Variants in PHF21B observed in about 807,000 individuals in gnomAD.
The protein encoded by PHF21B is PHD finger protein 21B, also known as PHD finger protein 4.
Under a neutral mutation model 62.2 loss-of-function variants are expected in PHF21B, and 22 were observed. The observed-to-expected ratio is 0.35, with a 90% CI of 0.25 to 0.51. The LOEUF is 0.51. Among genes scored for constraint, PHF21B ranks in the 20% least tolerant of loss-of-function variants. The pLI is 0.97. For missense variants in PHF21B, 701 were observed against 707.9 expected (o/e 0.99, Z 0.11); for synonymous variants, 341 against 314.7 (o/e 1.08, Z -0.88).
At chr22:44,983,008 C>A (rs1050091267) in intron 2 of PHF21B, among the ~76,000 whole-genome samples, 1 of 152,118 alleles carries the variant, frequency 6.6e-6, no homozygotes, top group Admixed American at 6.5e-5. Context: ...CTTTGGGAGA[C>A]CGAGGTGGGA....
At chr22:44,913,268 C>G (rs1044681040) in intron 5 of PHF21B, among the ~76,000 whole-genome samples, 1 of 152,176 alleles carries the variant, frequency 6.6e-6, no homozygotes, top group African/African-American at 2.4e-5. Context: ...CTACAGTGCC[C>G]AGGGTCCTGC....
intron 2 of PHF21B, among the ~76,000 whole-genome samples, chr22:44,954,037 C>G (rs557088326): frequency 6.6e-6 from 1 of 152,068 alleles, no homozygotes; most frequent in East Asian, 1.9e-4. Flanking sequence ...TCAGAGCAGA[C>G]CCCCAGTGGG....
At chr22:44,977,286 G>A (rs2072755137) in intron 2 of PHF21B, among the ~76,000 whole-genome samples, 1 of 151,902 alleles carries the variant, frequency 6.6e-6, no homozygotes, top group Non-Finnish European at 1.5e-5. Context: ...ATCAGGCCAG[G>A]CACGGTGGTG....
At chr22:44,987,910 G>T (rs889900898) in intron 2 of PHF21B, among the ~76,000 whole-genome samples, 1 of 152,056 alleles carries the variant, frequency 6.6e-6, no homozygotes, top group Non-Finnish European at 1.5e-5. Flanking sequence ...AGGAACTGAC[G>T]GATCCCAAAA....
chr22:44,946,658 G>A (rs1166228336), intron 2 of PHF21B, among the ~76,000 whole-genome samples: 4 of 152,084 alleles, frequency 2.6e-5, no homozygotes, highest in South Asian at 2.1e-4. Flanking sequence ...TGGACGGTGC[G>A]TGGGTAGAAT....
Position 45,008,550 on chromosome 22 carries a change from T to G in PHF21B, c.115A>C (p.Lys39Gln), listed in dbSNP as rs200776950. 1.3e-6 allele frequency: 2 copies of G among 1,580,794 alleles called. No individual in the cohort carries two copies. Among genetic ancestry groups the G allele is most frequent in the African/African-American group, 1.3e-5 (1 of 74,522 alleles). ...RQPRIAALSD[K>Q]QALGTITAVP... ...GCCGCGATCCCATCGCTTACTTGTT[T>G]GTCGCTGAGCGCGGCGATCCGCGGC... Residue 39 changes from lysine (K) to glutamine (Q), a missense_variant, in exon 2 of 13, where the codon AAA becomes CAA. Physicochemically the swap from Lys to Gln is moderately conservative, Grantham distance 53. Transcript: ENST00000313237.
At chr22:44,897,790 T>C (rs2071086366) in intron 5 of PHF21B, among the ~76,000 whole-genome samples, 1 of 152,074 alleles carries the variant, frequency 6.6e-6, no homozygotes, top group Non-Finnish European at 1.5e-5. Context: ...CTAAAACCCA[T>C]ACTTTATTTG....
chr22:44,891,534 C>T (rs1009907866), intron 7 of PHF21B, among the ~76,000 whole-genome samples, 174 bp from the exon 8 acceptor site: 2 of 152,076 alleles, frequency 1.3e-5, no homozygotes, highest in Admixed American at 6.5e-5. Context: ...GGCAGAAGCA[C>T]GCAGGAATGG....
intron 6 of PHF21B, among the ~76,000 whole-genome samples, chr22:44,894,966 A>G (rs1049570806): frequency 2.0e-5 from 3 of 152,238 alleles, no homozygotes; most frequent in Non-Finnish European, 4.4e-5. Flanking sequence ...TGCAATGGAT[A>G]GAAACTCTTA....
chr22:44,932,134 G>A (rs531212744), intron 2 of PHF21B, among the ~76,000 whole-genome samples: 5 of 152,326 alleles, frequency 3.3e-5, no homozygotes, highest in Admixed American at 6.5e-5. Context: ...GGGAAGACCC[G>A]GAGGTTAGTT....
chr22:44,941,601 A>C (rs946238091), intron 2 of PHF21B, among the ~76,000 whole-genome samples: 1 of 152,218 alleles, frequency 6.6e-6, no homozygotes, highest in Non-Finnish European at 1.5e-5. Context: ...AAATTGTGAG[A>C]CGCCACCAAC....
intron 2 of PHF21B, among the ~76,000 whole-genome samples, chr22:44,948,539 C>T (rs987806982): frequency 6.7e-6 from 1 of 149,736 alleles, no homozygotes; most frequent in Non-Finnish European, 1.5e-5. Flanking sequence ...TAAAAAAAAA[C>T]ATTTAGCTAG....
rs1049363864 is a variant in PHF21B at position 45,009,339 on chromosome 22, G to A, written c.54+157C>T. On this transcript the variant is annotated intron_variant, in intron 1 of 12. Transcript: ENST00000313237. This position sits in a 1 kb window ranked among gnomAD's most constrained non-coding sequence, Gnocchi z 5.9. ...CAGGCGGAGGGGAGCCCAGAAGGGG[G>A]TCCGCGCGTGTGCTCACTCCCTCGC... is the stretch of plus-strand genomic sequence containing the variant. 79 of 741,826 alleles carry A rather than the reference G, an allele frequency of 1.1e-4. No individual in the cohort carries two copies. Among genetic ancestry groups the A allele is most frequent in the Middle Eastern group, 5.5e-4 (2 of 3,636 alleles). The allele number at this position is 741,826 out of a possible 1,614,324, so 46.0% of individuals were successfully genotyped here.
chr22:44,888,183 G>A (rs1401845718), intron 9 of PHF21B, 62 bp from the exon 10 acceptor site: 8 of 1,415,786 alleles, frequency 5.7e-6, no homozygotes, highest in Non-Finnish European at 7.4e-6. Flanking sequence ...GGGCCGGTCA[G>A]CCAGGGCCAG....
intron 2 of PHF21B, among the ~76,000 whole-genome samples, chr22:44,947,504 G>C (rs2072098573): frequency 6.6e-6 from 1 of 152,222 alleles, no homozygotes; most frequent in Non-Finnish European, 1.5e-5. Context: ...CTGGCAGAGG[G>C]AAGGGCTCTG....
intron 5 of PHF21B, among the ~76,000 whole-genome samples, chr22:44,908,310 C>T (rs2071286766): frequency 6.6e-6 from 1 of 152,160 alleles, no homozygotes; most frequent in African/African-American, 2.4e-5. Context: ...AACAACAGTC[C>T]CTTCCTGTGG....
chr22:44,942,074 C>T (rs116160781), intron 2 of PHF21B, among the ~76,000 whole-genome samples: 153 of 152,342 alleles, frequency 1.0e-3, no homozygotes, highest in African/African-American at 3.4e-3. Context: ...AACAGCCTGA[C>T]ATGGCACAGC....
rs926384087 is a variant in PHF21B at position 45,009,242 on chromosome 22, C to G, written c.54+254G>C. ...TCCCAGTCATGCAGACCCTACATCG[C>G]TTAAGAGAAGACTCCAGGCTCGGGT... On this transcript the variant is annotated intron_variant, in intron 1 of 12. Transcript: ENST00000313237. The surrounding 1 kb of genome is among the most constrained non-coding windows in gnomAD (Gnocchi z 5.9). 6 of 516,168 alleles carry G rather than the reference C, an allele frequency of 1.2e-5. No individual in the cohort carries two copies. Among genetic ancestry groups the G allele is most frequent in the Non-Finnish European group, 1.3e-5 (4 of 301,684 alleles). 32.0% of individuals were successfully genotyped at this position (516,168 alleles called of 1,614,324 possible).
chr22:44,943,006 C>G (rs529539101), intron 2 of PHF21B, among the ~76,000 whole-genome samples: 11,381 of 139,148 alleles, frequency 0.082, 556 homozygotes, highest in South Asian at 0.13. Context: ...CCCCCCCCCC[C>G]CCATCCTCAG....
Sources: allele counts gnomAD v4.1 joint callset (sites outside exome capture counted in the v4.1 genomes callset), GRCh38; gene constraint gnomAD v4.1.1; non-coding constraint Gnocchi (gnomAD v3.1); transcripts MANE v1.5; gene names NCBI Gene and HGNC (gene_info 2026-07-23, HGNC 2026-07-21).